The following PPM1D variants were observed in gnomAD, a reference collection of about 807,000 sequenced individuals.
The protein encoded by PPM1D is protein phosphatase 1D.
Under a neutral mutation model 58.3 loss-of-function variants are expected in PPM1D, and 52 were observed. That is an observed-to-expected ratio of 0.89 (90% confidence interval 0.71 to 1.12). PPM1D has a LOEUF of 1.12. PPM1D is among the 50% of genes most tolerant of loss of function. The pLI, the probability that PPM1D is intolerant of heterozygous loss-of-function variation, is 0.00. For synonymous variants in PPM1D, 278 were observed against 285.1 expected (o/e 0.98, Z 0.25); for missense variants, 564 against 777.2 (o/e 0.73, Z 3.26).
Position 60,600,348 on chromosome 17 carries a change from C to G in PPM1D, c.-67C>G, listed in dbSNP as rs1441257079. The G allele has an allele frequency of 4.6e-6, 7 of 1,529,594 alleles. No homozygotes were observed. Among genetic ancestry groups the G allele is most frequent in the Non-Finnish European group, 6.1e-6 (7 of 1,140,080 alleles). 94.8% of individuals were successfully genotyped at this position (1,529,594 alleles called of 1,614,324 possible). ...TAAACAATAGTTGGCCGGCGAGCGC[C>G]TAGTGTGTCTCCCGCCGCCGGATTC... is the stretch of plus-strand genomic sequence containing the variant. On this transcript the variant is annotated 5_prime_UTR_variant, in exon 1 of 6. Transcript: ENST00000305921.
intron 3 of PPM1D, among the ~76,000 whole-genome samples, chr17:60,645,556 G>GTGTGTATATATATGTATATATATA (rs2031228256): frequency 8.3e-6 from 1 of 120,332 alleles, no homozygotes; most frequent in South Asian, 2.3e-4. Context: ...GTATATATAT[G>GTGTGTATATATATGTATATATATA]TGTGTGTATA....
chr17:60,601,105 G>C (rs1364685491), intron 1 of PPM1D, among the ~76,000 whole-genome samples: 1 of 152,178 alleles, frequency 6.6e-6, no homozygotes, highest in Non-Finnish European at 1.5e-5. Context: ...GCCTATTCTT[G>C]CTTTATTTCC....
chr17:60,647,281 A>G (rs2031266957), intron 3 of PPM1D, among the ~76,000 whole-genome samples: 1 of 152,198 alleles, frequency 6.6e-6, no homozygotes, highest in African/African-American at 2.4e-5. Context: ...TATAATCTTC[A>G]TAACAGGCAT....
intron 1 of PPM1D, among the ~76,000 whole-genome samples, chr17:60,609,155 G>T (rs964307670): frequency 6.6e-6 from 1 of 151,922 alleles, no homozygotes; most frequent in Non-Finnish European, 1.5e-5. Context: ...GTGCAATGGC[G>T]TGATCTCGGC....
At chr17:60,610,501 A>G (rs146226151) in intron 1 of PPM1D, among the ~76,000 whole-genome samples, 35 of 152,254 alleles carry the variant, frequency 2.3e-4, no homozygotes, top group African/African-American at 4.3e-4. Flanking sequence ...TGTTTGGAAT[A>G]TTTCCGTACA....
At position 60,650,775 on chromosome 17, in the gene PPM1D, A is replaced by G. The variant is rs550255276; in HGVS notation, c.1017+2693A>G. Among the ~76,000 whole-genome samples, 17 of 152,132 alleles carry G rather than the reference A, an allele frequency of 1.1e-4. 1 individual carries two copies. The highest frequency in any genetic ancestry group is 7.2e-4 in the Admixed American group (11 of 15,276). On this transcript the variant is annotated intron_variant, in intron 4 of 5. Transcript: ENST00000305921. ...AGGTACCTGTGGTTCATCTAGATAG[A>G]TATCTTCAGTAGGCAGTTATAAATA...
rs770574473 is a variant in PPM1D at position 60,656,881 on chromosome 17, C to CACCA, written c.1260+41_1260+44dup. ...AGTTTTTAAGTTATGTTTTAATAGA[C>CACCA]ACCAGTTCTTTGGTTAGCGTCACCT... On this transcript the variant is annotated intron_variant, in intron 5 of 5. Transcript: ENST00000305921. The CACCA allele has an allele frequency of 6.8e-6, 11 of 1,612,276 alleles. No homozygotes were observed. The Admixed American group carries it at 1.8e-4, about 27-fold the overall frequency.
intron 5 of PPM1D, among the ~76,000 whole-genome samples, chr17:60,661,554 A>G (rs1471764375): frequency 6.6e-6 from 1 of 152,196 alleles, no homozygotes; most frequent in African/African-American, 2.4e-5. Context: ...CACTACACTC[A>G]AAGTAGTGGT....
rs576584061 is a variant in PPM1D at position 60,662,992 on chromosome 17, C to G, written c.1261-3C>G. 6.3e-7 allele frequency: 1 copy of G among 1,581,636 alleles called. No individual in the cohort carries two copies. The highest frequency in any genetic ancestry group is 8.6e-7 in the Non-Finnish European group (1 of 1,165,942). On this transcript the variant is annotated splice_region_variant and splice_polypyrimidine_tract_variant and intron_variant, in intron 5 of 5. Coordinates refer to ENST00000305921, the MANE Select transcript of PPM1D (RefSeq NM_003620.4). ...TTATTTGTTTTACCTTCTTATTTTT[C>G]AGTCACTGGAGGAGGATCCATGGCC...
At chr17:60,656,462 AAAAG>A in intron 4 of PPM1D, 133 bp from the exon 5 acceptor site, 1 of 1,207,458 alleles carries the variant, frequency 8.3e-7, no homozygotes, top group Non-Finnish European at 1.1e-6. Flanking sequence ...CAAAAAAAAA[AAAAG>A]AGAAAAGAAA....
intron 1 of PPM1D, among the ~76,000 whole-genome samples, chr17:60,623,159 A>C (rs2030740618): frequency 6.6e-6 from 1 of 152,174 alleles, no homozygotes; most frequent in South Asian, 2.1e-4. Context: ...TGGCTGGCTA[A>C]ATGATACCAC....
At chr17:60,638,254 CTCT>C (rs1403666586) in intron 3 of PPM1D, among the ~76,000 whole-genome samples, 1 of 152,098 alleles carries the variant, frequency 6.6e-6, no homozygotes, top group Non-Finnish European at 1.5e-5. Flanking sequence ...CTCTTGATTT[CTCT>C]TGTCACATAA....
chr17:60,663,004 G>T lies in PPM1D; in HGVS notation c.1270G>T (p.Glu424Ter), dbSNP rs780886952. The T allele has an allele frequency of 6.2e-7, 1 of 1,604,486 alleles. No individual in the cohort carries two copies. The highest frequency in any genetic ancestry group is 8.5e-7 in the Non-Finnish European group (1 of 1,175,398). Reference sequence around the variant, plus strand: ...CCTTCTTATTTTTCAGTCACTGGAGGAGGATCCATGGCCAAGGGTGAATTC... The same window carrying T: ...CCTTCTTATTTTTCAGTCACTGGAGTAGGATCCATGGCCAAGGGTGAATTC... ...CSTPPVKSLE[E>*]DPWPRVNSKD... The change falls in exon 6 of 6, where the codon GAG (glutamate) becomes TAG (stop). Residue 424 changes from glutamate to a stop codon, truncating the protein, a stop_gained. Coordinates refer to ENST00000305921, the MANE Select transcript of PPM1D (RefSeq NM_003620.4). LOFTEE classifies it high-confidence loss of function.
intron 3 of PPM1D, among the ~76,000 whole-genome samples, chr17:60,636,449 T>C (rs1187628209): frequency 2.6e-5 from 4 of 152,138 alleles, no homozygotes. Context: ...GAAAACATGA[T>C]AAACTAAAAT....
At position 60,663,873 on chromosome 17, in the gene PPM1D, A is replaced by C; in HGVS notation, c.*321A>C. 5.4e-6 allele frequency: 1 copy of C among 185,632 alleles called. No homozygotes were observed. 11.5% of individuals were successfully genotyped at this position (185,632 alleles called of 1,614,324 possible). On this transcript the variant is annotated 3_prime_UTR_variant, in exon 6 of 6. Transcript: ENST00000305921. Reference sequence around the variant, plus strand: ...CTAAATGTTTAAAGAAATCAAAAGAATCTATTAGATTTTAGAAAAACATTT... The same window carrying C: ...CTAAATGTTTAAAGAAATCAAAAGACTCTATTAGATTTTAGAAAAACATTT...
chr17:60,615,987 A>C (rs1165801931), intron 1 of PPM1D, among the ~76,000 whole-genome samples: 1 of 152,024 alleles, frequency 6.6e-6, no homozygotes, highest in African/African-American at 2.4e-5. Flanking sequence ...GACTGCACCC[A>C]GCTATGTAAG....
At chr17:60,647,530 T>G (rs934979869) in intron 3 of PPM1D, among the ~76,000 whole-genome samples, 1 of 152,188 alleles carries the variant, frequency 6.6e-6, no homozygotes, top group Non-Finnish European at 1.5e-5. Context: ...CTCCTTTCCA[T>G]TTTGTATATA....
At chr17:60,613,198 G>C (rs1598400337) in intron 1 of PPM1D, among the ~76,000 whole-genome samples, 1 of 151,786 alleles carries the variant, frequency 6.6e-6, no homozygotes. Context: ...AGTGAAAGCA[G>C]TGTAGCCTTT....
At chr17:60,614,839 G>T (rs929437968) in intron 1 of PPM1D, among the ~76,000 whole-genome samples, 5 of 152,054 alleles carry the variant, frequency 3.3e-5, no homozygotes, top group Admixed American at 3.3e-4. Context: ...CCCACCAGAA[G>T]GAAGAAACTC....
Sources: gnomAD v4.1 joint callset for allele counts (sites outside exome capture counted in the v4.1 genomes callset) on GRCh38, gnomAD v4.1.1 for gene constraint, MANE v1.5 for transcripts, NCBI Gene and HGNC (gene_info 2026-07-23, HGNC 2026-07-21) for gene names.